SLC30A3: variants seen among roughly 807,000 people sequenced by gnomAD.
SLC30A3 encodes solute carrier family 30 member 3.
In SLC30A3, 20 loss-of-function variants were observed where a neutral mutation model predicts 35.6. The ratio of observed to expected loss-of-function variants is 0.56; its 90% CI spans 0.39 to 0.82. The LOEUF (loss-of-function observed/expected upper bound fraction) is 0.82. SLC30A3 is among the 40% of genes least tolerant of loss of function. The pLI, the probability that SLC30A3 is intolerant of heterozygous loss-of-function variation, is 0.00. For missense variants in SLC30A3, 401 were observed against 530.6 expected, an observed-to-expected ratio of 0.76 and a Z score of 2.40; for synonymous variants, 217 against 224.7, an observed-to-expected ratio of 0.97 and a Z score of 0.31.
chr2:27,268,826 G>A (rs7573077), intron 1 of SLC30A3, among the ~76,000 whole-genome samples: 18,211 of 152,166 alleles, frequency 0.12, 3,143 homozygotes, highest in African/African-American at 0.39. Flanking sequence ...TTCAAAGGTG[G>A]TTTTGCATCC....
rs1361431574 is a variant in SLC30A3 at position 27,257,003 on chromosome 2, G to A, written c.778-110C>T. 2.7e-6 allele frequency: 3 copies of A among 1,109,104 alleles called. No individual in the cohort carries two copies. Among genetic ancestry groups the A allele is most frequent in the Non-Finnish European group, 2.7e-6 (2 of 738,812 alleles). 68.7% of individuals were successfully genotyped at this position (1,109,104 alleles called of 1,614,324 possible). On this transcript the variant is annotated intron_variant, in intron 5 of 7. Coordinates refer to ENST00000233535, the MANE Select transcript of SLC30A3 (RefSeq NM_003459.5). The surrounding 1 kb of genome is among the most constrained non-coding windows in gnomAD (Gnocchi z 4.7). ...GAGGCCCCTCAAAACCCTGAAGAGG[G>A]GACAGGGAACATGACTCATGTCTGG...
rs1677004248 is a variant in SLC30A3, at chr2:27,258,595, T to G, written c.277+158A>C. ...CTGGAATTCCCTTTGTTGCTGTCCCTTATCCCTCCTACTTCCTGAGTCCTG... is the reference window on the plus strand; with the variant it reads ...CTGGAATTCCCTTTGTTGCTGTCCCGTATCCCTCCTACTTCCTGAGTCCTG... On this transcript the variant is annotated intron_variant, in intron 2 of 7. Transcript: ENST00000233535. This position sits in a 1 kb window ranked among gnomAD's most constrained non-coding sequence, Gnocchi z 4.0. The G allele has an allele frequency of 2.5e-6, 2 of 813,748 alleles. No homozygotes were observed. The highest frequency in any genetic ancestry group is 3.9e-6 in the Non-Finnish European group (2 of 514,940). The allele number at this position is 813,748 out of a possible 1,614,324, so 50.4% of individuals were successfully genotyped here. A position where few individuals can be genotyped will look rare whatever the true frequency, so the allele number is the denominator to read the frequency against.
upstream of SLC30A3, chr2:27,263,268 G>T: frequency 2.0e-6 from 1 of 497,944 alleles, no homozygotes. Flanking sequence ...CCCCAGGCGA[G>T]CTAGCCCCAC....
rs369556024 is a variant in SLC30A3 at position 27,268,455 on chromosome 2, G to A, written c.-158-4373C>T. Among the ~76,000 whole-genome samples, 5 of 152,322 alleles carry A rather than the reference G, an allele frequency of 3.3e-5. No homozygotes were observed. In the South Asian group the frequency reaches 6.2e-4, roughly 19 times the overall value. ...TAGTGCGGAGACCTGTTTGATTGCT[G>A]TGAAAGGTTCACTTTAGGCCGGGGG... On this transcript the variant is annotated intron_variant, in intron 1 of 5. Coordinates refer to the SLC30A3 transcript ENST00000424577.
upstream of SLC30A3, among the ~76,000 whole-genome samples, chr2:27,264,669 G>T (rs561199515): frequency 6.6e-6 from 1 of 152,112 alleles, no homozygotes; most frequent in African/African-American, 2.4e-5. This position sits in a 1 kb window ranked among gnomAD's most constrained non-coding sequence, Gnocchi z 6.1. Flanking sequence ...CCAGTCCAAA[G>T]CCCATGAGGG....
Position 27,257,298 on chromosome 2 carries a change from T to C in SLC30A3, c.633A>G (p.Gly211=), listed in dbSNP as rs1676919988. 6.2e-7 allele frequency: 1 copy of C among 1,613,582 alleles called. No homozygotes were observed. Among genetic ancestry groups the C allele is most frequent in the Admixed American group, 1.7e-5 (1 of 59,964 alleles). The part of the protein sequence containing the change: ...AGPPHSHGSR[G]AEYAPLEEGP... ...CCTCCTCCAGCGGTGCATACTCTGC[T>C]CCCCTAGACCCGTGGCTGTGGGGGG... Residue 211 remains glycine, a synonymous_variant, in exon 5 of 8, where the codon GGA becomes GGG. Transcript: ENST00000233535. This position sits in a 1 kb window ranked among gnomAD's most constrained non-coding sequence, Gnocchi z 4.7.
At chr2:27,259,177 A>T in intron 1 of SLC30A3, 1 of 417,704 alleles carries the variant, frequency 2.4e-6, no homozygotes, top group South Asian at 5.2e-5. Context: ...AGCACCTTAC[A>T]GACGGTCTAG....
In SLC30A3 at chr2:27,263,003, C is replaced by G; in HGVS notation, c.-97G>C. 7.1e-7 allele frequency: 1 copy of G among 1,415,274 alleles called. No individual in the cohort carries two copies. The highest frequency in any genetic ancestry group is 9.2e-7 in the Non-Finnish European group (1 of 1,092,552). 87.7% of individuals were successfully genotyped at this position (1,415,274 alleles called of 1,614,324 possible). ...AGCAGCCCGCCGACCCCCGGGATCC[C>G]CGCAGGGCGGCGGGGCCACCAGAGT... On this transcript the variant is annotated 5_prime_UTR_variant, in exon 1 of 8. Coordinates refer to ENST00000233535, the MANE Select transcript of SLC30A3 (RefSeq NM_003459.5).
In SLC30A3 at chr2:27,255,517, A is replaced by T. The variant is rs1265762993; in HGVS notation, c.1019-57T>A. 6.3e-7 allele frequency: 1 copy of T among 1,586,696 alleles called. No homozygotes were observed. Among genetic ancestry groups the T allele is most frequent in the Non-Finnish European group, 8.6e-7 (1 of 1,165,202 alleles). On this transcript the variant is annotated intron_variant, in intron 7 of 7. Transcript: ENST00000233535. The surrounding 1 kb of genome is among the most constrained non-coding windows in gnomAD (Gnocchi z 5.2). Reference sequence around the variant, plus strand: ...CCCGGGGGAGAAAGAACAGGCAGGGACTGAGATAAGGACAGGGAAAGGGGC... The same window carrying T: ...CCCGGGGGAGAAAGAACAGGCAGGGTCTGAGATAAGGACAGGGAAAGGGGC...
chr2:27,272,950 G>T (rs1677787772), intron 1 of SLC30A3, among the ~76,000 whole-genome samples: 1 of 151,260 alleles, frequency 6.6e-6, no homozygotes, highest in East Asian at 2.0e-4. Context: ...TACTTGGGAG[G>T]CTGAGGTGGG....
At position 27,258,695 on chromosome 2, in the gene SLC30A3, G is replaced by A. The variant is rs1677011484; in HGVS notation, c.277+58C>T. 1 of 1,565,888 alleles carries A rather than the reference G, an allele frequency of 6.4e-7. No homozygotes were observed. The highest frequency in any genetic ancestry group is 1.1e-5 in the South Asian group (1 of 89,666). Reference sequence around the variant, plus strand: ...AGGAACATTCCTGGGACTCTGGGTGGAGAGTGGCTTGGGCAGGTATTTGGA... The same window carrying A: ...AGGAACATTCCTGGGACTCTGGGTGAAGAGTGGCTTGGGCAGGTATTTGGA... On this transcript the variant is annotated intron_variant, in intron 2 of 7. Coordinates refer to ENST00000233535, the MANE Select transcript of SLC30A3 (RefSeq NM_003459.5). This position sits in a 1 kb window ranked among gnomAD's most constrained non-coding sequence, Gnocchi z 4.0.
At chr2:27,270,337 C>T (rs568429837) in intron 1 of SLC30A3, among the ~76,000 whole-genome samples, 2 of 151,734 alleles carry the variant, frequency 1.3e-5, no homozygotes, top group South Asian at 2.1e-4. Flanking sequence ...GGACTGGGGG[C>T]GGTGTTTTGG....
At chr2:27,259,231 AC>A (rs1444980681) in intron 1 of SLC30A3, among the ~76,000 whole-genome samples, 4 of 152,184 alleles carry the variant, frequency 2.6e-5, no homozygotes, top group African/African-American at 9.6e-5. Context: ...GTGGTGGCTC[AC>A]ACCTGTAATC....
chr2:27,262,701 C>A lies in SLC30A3; in HGVS notation c.95+111G>T. Reference sequence around the variant, plus strand: ...AGCGGGGTGCAGCGGAGCGAGGGACCCGCGGTGCGCTGGGGCGGCCGCCGG... The same window carrying A: ...AGCGGGGTGCAGCGGAGCGAGGGACACGCGGTGCGCTGGGGCGGCCGCCGG... On this transcript the variant is annotated intron_variant, in intron 1 of 7. Transcript: ENST00000233535. The surrounding 1 kb of genome is among the most constrained non-coding windows in gnomAD (Gnocchi z 7.5). The A allele has an allele frequency of 2.8e-6, 3 of 1,073,968 alleles. No individual in the cohort carries two copies. The highest frequency in any genetic ancestry group is 3.8e-6 in the Non-Finnish European group (3 of 784,946). 66.5% of individuals were successfully genotyped at this position (1,073,968 alleles called of 1,614,324 possible). A position where few individuals can be genotyped will look rare whatever the true frequency, so the allele number is the denominator to read the frequency against.
chr2:27,255,154 G>T lies in SLC30A3; in HGVS notation c.*158C>A, dbSNP rs1243447936. The T allele has an allele frequency of 1.3e-6, 2 of 1,576,308 alleles. No homozygotes were observed. Among genetic ancestry groups the T allele is most frequent in the East Asian group, 4.6e-5 (2 of 43,920 alleles). On this transcript the variant is annotated 3_prime_UTR_variant, in exon 8 of 8. Coordinates refer to ENST00000233535, the MANE Select transcript of SLC30A3 (RefSeq NM_003459.5). This position sits in a 1 kb window ranked among gnomAD's most constrained non-coding sequence, Gnocchi z 5.2. Reference sequence around the variant, plus strand: ...CACTTTGGTCTTGCCCACTGGGGCTGGGGCTGGGGCTGAGGCTGGGGAAAC... The same window carrying T: ...CACTTTGGTCTTGCCCACTGGGGCTTGGGCTGGGGCTGAGGCTGGGGAAAC...
At chr2:27,272,166 G>A (rs1160229786) in intron 1 of SLC30A3, among the ~76,000 whole-genome samples, 3 of 152,158 alleles carry the variant, frequency 2.0e-5, no homozygotes, top group Admixed American at 2.0e-4. Flanking sequence ...GAATACTAAG[G>A]CAAATAAGAA....
Position 27,255,201 on chromosome 2 carries a change from G to A in SLC30A3, c.*111C>T, listed in dbSNP as rs1201716414. The A allele has an allele frequency of 1.2e-6, 2 of 1,602,080 alleles. No homozygotes were observed. The highest frequency in any genetic ancestry group is 1.7e-6 in the Non-Finnish European group (2 of 1,178,298). On this transcript the variant is annotated 3_prime_UTR_variant, in exon 8 of 8. Coordinates refer to ENST00000233535, the MANE Select transcript of SLC30A3 (RefSeq NM_003459.5). The surrounding 1 kb of genome is among the most constrained non-coding windows in gnomAD (Gnocchi z 5.2). ...AAACTGGCAGGTGGTAGGAGGGAGA[G>A]AGGAAGGGGTATGGACCTGGCTCGG...
Position 27,255,483 on chromosome 2 carries a change from G to A in SLC30A3, c.1019-23C>T, listed in dbSNP as rs188316774. 5.8e-5 allele frequency: 93 copies of A among 1,609,874 alleles called. No homozygotes were observed. In the African/African-American group the frequency reaches 6.1e-4, roughly 11 times the overall value. On this transcript the variant is annotated intron_variant, in intron 7 of 7. Transcript: ENST00000233535. The surrounding 1 kb of genome is among the most constrained non-coding windows in gnomAD (Gnocchi z 5.2). Reference sequence around the variant, plus strand: ...AGTCTGTGGGAGAGTGATAAGAGGCGGCATCCATCCCGGGGGAGAAAGAAC... The same window carrying A: ...AGTCTGTGGGAGAGTGATAAGAGGCAGCATCCATCCCGGGGGAGAAAGAAC...
At chr2:27,264,121 C>T (rs551076816), upstream of SLC30A3, 4 of 1,209,118 alleles carry the variant, frequency 3.3e-6, no homozygotes, top group South Asian at 3.8e-5. The surrounding 1 kb of genome is among the most constrained non-coding windows in gnomAD (Gnocchi z 6.1). Flanking sequence ...ATTGTGCACT[C>T]GAAGCTGTGA....
Sources: gnomAD v4.1 joint callset for allele counts (sites outside exome capture counted in the v4.1 genomes callset) on GRCh38, gnomAD v4.1.1 for gene constraint, Gnocchi (gnomAD v3.1) non-coding constraint, MANE v1.5 for transcripts, NCBI Gene and HGNC (gene_info 2026-07-23, HGNC 2026-07-21) for gene names.